CMTM8: variants seen among roughly 807,000 people sequenced by gnomAD.
CMTM8 encodes CKLF like MARVEL transmembrane domain containing 8.
A neutral mutation model predicts 18.6 loss-of-function variants in CMTM8; 12 were observed. The ratio of observed to expected loss-of-function variants is 0.65; its 90% confidence interval spans 0.41 to 1.05. CMTM8 has a LOEUF of 1.05. Among genes scored for constraint, CMTM8 ranks in the 50% least tolerant of loss-of-function variants. CMTM8 has a pLI of 0.00. For synonymous variants in CMTM8, 87 were observed against 90.6 expected, an observed-to-expected ratio of 0.96 and a Z score of 0.23; for missense variants, 217 against 227.2, an observed-to-expected ratio of 0.95 and a Z score of 0.29.
chr3:32,240,676 C>T (rs1488707420), intron 1 of CMTM8, among the ~76,000 whole-genome samples: 1 of 152,190 alleles, frequency 6.6e-6, no homozygotes, highest in Non-Finnish European at 1.5e-5. Context: ...AGCATGTATC[C>T]TTTTAGATTT....
At chr3:32,275,308 T>C (rs1183293740) in intron 1 of CMTM8, among the ~76,000 whole-genome samples, 8 of 152,044 alleles carry the variant, frequency 5.3e-5, no homozygotes, top group Admixed American at 5.2e-4. Flanking sequence ...AAATGTGATC[T>C]TTTTCTGAGC....
At chr3:32,278,390 A>G (rs1248661820) in intron 1 of CMTM8, among the ~76,000 whole-genome samples, 1 of 152,144 alleles carries the variant, frequency 6.6e-6, no homozygotes, top group East Asian at 1.9e-4. Context: ...GCAGTCACCT[A>G]TTTGCTGCTA....
At chr3:32,308,971 C>A (rs1028137387) in intron 1 of CMTM8, among the ~76,000 whole-genome samples, 1 of 152,326 alleles carries the variant, frequency 6.6e-6, no homozygotes, top group East Asian at 1.9e-4. Flanking sequence ...GGATTGGCCC[C>A]TGTCTTCAGA....
At chr3:32,259,963 G>A in intron 1 of CMTM8, 1 of 1,134,320 alleles carries the variant, frequency 8.8e-7, no homozygotes, top group Non-Finnish European at 1.3e-6. Context: ...ACGGGATCCT[G>A]CTGCACCTGG....
chr3:32,326,773 C>G (rs149496624), intron 1 of CMTM8, among the ~76,000 whole-genome samples: 25 of 152,254 alleles, frequency 1.6e-4, no homozygotes, highest in African/African-American at 6.0e-4. Flanking sequence ...ACCTTGGCCT[C>G]CCAAAGTGCT....
intron 3 of CMTM8, 76 bp from the exon 4 acceptor site, chr3:32,369,808 A>C (rs941969383): frequency 1.1e-6 from 1 of 887,206 alleles, no homozygotes; most frequent in Non-Finnish European, 1.8e-6. Context: ...GGGTGATTCA[A>C]TGGAGGTGAA....
chr3:32,360,155 A>G lies in CMTM8; in HGVS notation c.321+2609A>G, dbSNP rs560042366. ...GGTTGTACAAGTGAGTAAACTCAGC[A>G]TGGTATTGAACCTTGCCACCCAGAC... On this transcript the variant is annotated intron_variant, in intron 2 of 3. Transcript: ENST00000307526. 7.9e-5 allele frequency among the ~76,000 whole-genome samples: 12 copies of G among 152,352 alleles called. No homozygotes were observed. In the South Asian group the frequency reaches 1.2e-3, roughly 16 times the overall value.
chr3:32,318,113 A>G (rs961616108), intron 1 of CMTM8, among the ~76,000 whole-genome samples: 6 of 151,874 alleles, frequency 4.0e-5, no homozygotes, highest in African/African-American at 1.5e-4. Flanking sequence ...AGATCTCCCA[A>G]ATGCAAATGT....
chr3:32,273,227 G>A (rs1320174670), intron 1 of CMTM8, among the ~76,000 whole-genome samples: 8 of 151,120 alleles, frequency 5.3e-5, no homozygotes, highest in African/African-American at 1.9e-4. Context: ...CTCCTAAAGT[G>A]CTGGGATTAC....
rs78702152 is a variant in CMTM8 at position 32,308,291 on chromosome 3, T to C, written c.148-49082T>C. On this transcript the variant is annotated intron_variant, in intron 1 of 3. Coordinates refer to ENST00000307526, the MANE Select transcript of CMTM8 (RefSeq NM_178868.5). Reference sequence around the variant, plus strand: ...CACAGTGTGAGGGATGCTAGTGATATATTGTGAAGAAATAAAAAATCAAGC... The same window carrying C: ...CACAGTGTGAGGGATGCTAGTGATACATTGTGAAGAAATAAAAAATCAAGC... 7.9e-5 allele frequency among the ~76,000 whole-genome samples: 12 copies of C among 152,362 alleles called. No individual in the cohort carries two copies. The East Asian group carries it at 1.5e-3, about 20-fold the overall frequency.
chr3:32,261,495 C>A (rs887779232), intron 1 of CMTM8, among the ~76,000 whole-genome samples: 2 of 152,180 alleles, frequency 1.3e-5, no homozygotes, highest in Admixed American at 6.5e-5. Flanking sequence ...CCTTTATTCA[C>A]CCCATAGAGA....
intron 1 of CMTM8, among the ~76,000 whole-genome samples, chr3:32,320,755 G>C (rs1250098344): frequency 1.3e-5 from 2 of 152,122 alleles, no homozygotes; most frequent in Admixed American, 1.3e-4. Context: ...GCACCGGGGT[G>C]GGGGATATGC....
intron 1 of CMTM8, among the ~76,000 whole-genome samples, chr3:32,331,808 C>T (rs897349396): frequency 6.6e-6 from 1 of 152,104 alleles, no homozygotes; most frequent in Non-Finnish European, 1.5e-5. Context: ...CATGCTTTCA[C>T]TTATATAAGG....
At chr3:32,259,784 AC>A in intron 1 of CMTM8, 1 of 845,726 alleles carries the variant, frequency 1.2e-6, no homozygotes, top group Non-Finnish European at 2.0e-6. Context: ...CACAGTGGTC[AC>A]CACACAGTCC....
chr3:32,335,359 C>T (rs1185824321), intron 1 of CMTM8, among the ~76,000 whole-genome samples: 1 of 152,182 alleles, frequency 6.6e-6, no homozygotes, highest in Non-Finnish European at 1.5e-5. Context: ...ACCACTGTGG[C>T]GTGTTGGAGT....
chr3:32,245,416 A>G (rs1423312790), intron 1 of CMTM8, among the ~76,000 whole-genome samples: 1 of 152,240 alleles, frequency 6.6e-6, no homozygotes, highest in Non-Finnish European at 1.5e-5. Context: ...TGTGGAAACC[A>G]AATCATGGTA....
chr3:32,245,450 T>C (rs2125527862), intron 1 of CMTM8, among the ~76,000 whole-genome samples: 1 of 152,346 alleles, frequency 6.6e-6, no homozygotes, highest in Non-Finnish European at 1.5e-5. Context: ...TAAAGTTTTA[T>C]AACAAGCTAG....
chr3:32,332,868 T>C (rs1696307087), intron 1 of CMTM8, among the ~76,000 whole-genome samples: 1 of 152,180 alleles, frequency 6.6e-6, no homozygotes, highest in Non-Finnish European at 1.5e-5. Context: ...GTTTGTTGCC[T>C]TTTATCCTCA....
rs555969197 is a variant in CMTM8 at position 32,341,591 on chromosome 3, T to G, written c.148-15782T>G. ...TTGATGTGTAGTACAGTTTAAAAAC[T>G]TGAGGCCAGGTGTGGTGGCTCACAC... On this transcript the variant is annotated intron_variant, in intron 1 of 3. Transcript: ENST00000307526. 9.2e-5 allele frequency among the ~76,000 whole-genome samples: 14 copies of G among 152,280 alleles called. No individual in the cohort carries two copies. In the East Asian group the frequency reaches 2.7e-3, roughly 29 times the overall value.
Sources: allele counts gnomAD v4.1 joint callset (sites outside exome capture counted in the v4.1 genomes callset), GRCh38; gene constraint gnomAD v4.1.1; transcripts MANE v1.5; gene names NCBI Gene and HGNC (gene_info 2026-07-23, HGNC 2026-07-21).